GLIS3: variants seen among roughly 807,000 people sequenced by gnomAD.
GLIS3 encodes the protein zinc finger protein GLIS3.
A neutral mutation model predicts 78.6 loss-of-function variants in GLIS3; 53 were observed. The ratio of observed to expected loss-of-function variants is 0.67; its 90% CI spans 0.54 to 0.85. The LOEUF is 0.85. Among genes scored for constraint, GLIS3 ranks in the 40% least tolerant of loss-of-function variants. The pLI is 0.00. For missense variants in GLIS3, 1,703 were observed against 1,231.1 expected (o/e 1.38, Z -5.74); for synonymous variants, 684 against 509.9 (o/e 1.34, Z -4.60).
chr9:4,351,694 C>T (rs1055566880), upstream of GLIS3, among the ~76,000 whole-genome samples: 1 of 151,854 alleles, frequency 6.6e-6, no homozygotes, highest in Non-Finnish European at 1.5e-5. Flanking sequence ...GTTGTTTTTC[C>T]TTGAACTAGG....
rs146283483 is a variant in GLIS3 at position 3,958,952 on chromosome 9, G to A, written c.1711-21763C>T. Among the ~76,000 whole-genome samples, 240 of 152,298 alleles carry A rather than the reference G, an allele frequency of 1.6e-3. 1 individual carries two copies. The highest frequency in any genetic ancestry group is 4.8e-3 in the African/African-American group (200 of 41,562). ...TGGTTAACTATGAGGTGAGAAGTCT[G>A]GATTAATCTTCAGTAAAGACTATAG... On this transcript the variant is annotated intron_variant, in intron 4 of 10. Transcript: ENST00000381971.
chr9:4,216,299 C>T (rs936417735), intron 2 of GLIS3, among the ~76,000 whole-genome samples: 3 of 151,806 alleles, frequency 2.0e-5, no homozygotes, highest in Middle Eastern at 6.8e-3. Flanking sequence ...GGTGAAACCC[C>T]GCCTCTACTA....
In GLIS3 at chr9:4,177,911, T is replaced by A. The variant is rs145607216; in HGVS notation, c.389-51970A>T. 4.3e-3 allele frequency among the ~76,000 whole-genome samples: 660 copies of A among 152,336 alleles called. 4 individuals are homozygous for A. The highest frequency in any genetic ancestry group is 7.8e-3 in the Admixed American group (120 of 15,298). On this transcript the variant is annotated intron_variant, in intron 2 of 10. Coordinates refer to ENST00000381971, the MANE Select transcript of GLIS3 (RefSeq NM_001042413.2). ...ATTATTCAGAATTCACTAACTCCCATCACAGCTTGGTTCCTGGATGAGATG... is the reference window on the plus strand; with the variant it reads ...ATTATTCAGAATTCACTAACTCCCAACACAGCTTGGTTCCTGGATGAGATG...
At chr9:4,025,447 G>T (rs937918904) in intron 4 of GLIS3, among the ~76,000 whole-genome samples, 3 of 152,016 alleles carry the variant, frequency 2.0e-5, no homozygotes, top group African/African-American at 7.2e-5. Context: ...GAGTGGGGTG[G>T]CGTGATCTTG....
chr9:4,473,748 A>G, the GLIS3 span, among the ~76,000 whole-genome samples: 2 of 152,160 alleles, frequency 1.3e-5, no homozygotes, highest in Admixed American at 1.3e-4. Flanking sequence ...GTTTACCTAC[A>G]TAACCAACCT....
At chr9:3,910,770 C>T (rs187353937) in intron 6 of GLIS3, among the ~76,000 whole-genome samples, 1 of 152,202 alleles carries the variant, frequency 6.6e-6, no homozygotes, top group Non-Finnish European at 1.5e-5. Flanking sequence ...AAGGATAATA[C>T]CATTTAGTGA....
At chr9:3,994,681 G>T (rs1023473082) in intron 4 of GLIS3, among the ~76,000 whole-genome samples, 2 of 152,148 alleles carry the variant, frequency 1.3e-5, no homozygotes, top group African/African-American at 4.8e-5. Context: ...GCCTCTCCCT[G>T]ATGTCAGCCT....
chr9:4,150,719 G>C (rs896306719), intron 2 of GLIS3, among the ~76,000 whole-genome samples: 2 of 152,184 alleles, frequency 1.3e-5, no homozygotes, highest in Admixed American at 6.5e-5. Flanking sequence ...TAGATGCCAA[G>C]AAGGAAGATT....
At chr9:4,102,820 A>C (rs1018558942) in intron 4 of GLIS3, among the ~76,000 whole-genome samples, 1 of 152,146 alleles carries the variant, frequency 6.6e-6, no homozygotes, top group Non-Finnish European at 1.5e-5. Flanking sequence ...AAACACACAC[A>C]AACAAATACA....
chr9:4,063,957 T>C (rs1012673924), intron 4 of GLIS3, among the ~76,000 whole-genome samples: 1 of 152,188 alleles, frequency 6.6e-6, no homozygotes, highest in African/African-American at 2.4e-5. Context: ...AATTTCCTGT[T>C]TAGCGAAACA....
intron 7 of GLIS3, among the ~76,000 whole-genome samples, chr9:3,895,838 A>T (rs1241092877): frequency 6.6e-6 from 1 of 152,236 alleles, no homozygotes; most frequent in Non-Finnish European, 1.5e-5. Context: ...CTGAAAGATT[A>T]TGGTGCTCAA....
At chr9:4,183,643 T>C (rs905780151) in intron 2 of GLIS3, among the ~76,000 whole-genome samples, 1 of 152,232 alleles carries the variant, frequency 6.6e-6, no homozygotes, top group African/African-American at 2.4e-5. Context: ...TAGATTTACT[T>C]TGAAGGTCTC....
At chr9:4,386,727 G>C in the GLIS3 span, among the ~76,000 whole-genome samples, 2 of 152,158 alleles carry the variant, frequency 1.3e-5, no homozygotes, top group African/African-American at 4.8e-5. Context: ...ATGACATAAA[G>C]TTACAAAGTC....
chr9:4,425,754 C>T, the GLIS3 span, among the ~76,000 whole-genome samples: 2 of 152,184 alleles, frequency 1.3e-5, no homozygotes, highest in South Asian at 4.1e-4. Context: ...TCGGGACTGC[C>T]CAGCAGGGTA....
chr9:3,963,768 C>T (rs1005382608), intron 4 of GLIS3, among the ~76,000 whole-genome samples: 7 of 151,792 alleles, frequency 4.6e-5, no homozygotes, highest in Admixed American at 1.3e-4. Context: ...GCTGAAGTGG[C>T]GTCAGGCCTC....
the GLIS3 span, among the ~76,000 whole-genome samples, chr9:4,368,081 A>G: frequency 3.3e-5 from 5 of 152,202 alleles, no homozygotes; most frequent in East Asian, 7.7e-4. Context: ...TTGCTTATTC[A>G]TGTCAATGAA....
intron 4 of GLIS3, among the ~76,000 whole-genome samples, chr9:3,981,877 A>G (rs536862197): frequency 7.9e-4 from 120 of 152,238 alleles, no homozygotes; most frequent in Middle Eastern, 3.4e-3. Context: ...GGACATTCAA[A>G]ACCCTGAGAG....
At chr9:4,392,909 A>G in the GLIS3 span, among the ~76,000 whole-genome samples, 1 of 151,872 alleles carries the variant, frequency 6.6e-6, no homozygotes, top group East Asian at 1.9e-4. Flanking sequence ...TTAGATCACT[A>G]TTCTTCCTGA....
intron 4 of GLIS3, among the ~76,000 whole-genome samples, chr9:4,007,416 C>G (rs747129434): frequency 1.3e-5 from 2 of 152,134 alleles, no homozygotes; most frequent in East Asian, 3.8e-4. Flanking sequence ...CCTTCCTTAC[C>G]CTGGTACCAG....
Sources: allele counts gnomAD v4.1 joint callset (sites outside exome capture counted in the v4.1 genomes callset), GRCh38; gene constraint gnomAD v4.1.1; transcripts MANE v1.5; gene names NCBI Gene and HGNC (gene_info 2026-07-23, HGNC 2026-07-21).